The following NT5DC1 variants were observed in gnomAD, a reference collection of about 807,000 sequenced individuals.
NT5DC1 encodes the protein 5'-nucleotidase domain-containing protein 1.
In NT5DC1, 42 loss-of-function variants were observed where a neutral mutation model predicts 59.4. The ratio of observed to expected loss-of-function variants is 0.71; its 90% CI spans 0.55 to 0.92. NT5DC1 has a LOEUF of 0.92. Among genes scored for constraint, NT5DC1 ranks in the 40% least tolerant of loss-of-function variants. The pLI is 0.00. For synonymous variants in NT5DC1, 172 were observed against 188.1 expected, an observed-to-expected ratio of 0.91 and a Z score of 0.70; for missense variants, 501 against 537.1, an observed-to-expected ratio of 0.93 and a Z score of 0.66.
intron 4 of NT5DC1, among the ~76,000 whole-genome samples, chr6:116,113,684 A>G (rs1778919033): frequency 6.6e-6 from 1 of 152,220 alleles, no homozygotes; most frequent in Admixed American, 6.5e-5. Context: ...GTGAAAACCA[A>G]TGAGCTCTTC....
chr6:116,200,282 CAA>C (rs2114508318), intron 6 of NT5DC1, among the ~76,000 whole-genome samples: 1 of 152,000 alleles, frequency 6.6e-6, no homozygotes, highest in South Asian at 2.1e-4. Context: ...ATGTCACGGT[CAA>C]GAGTAACCTA....
intron 6 of NT5DC1, chr6:116,125,489 G>A (rs1424140575): frequency 1.2e-6 from 2 of 1,613,326 alleles, no homozygotes; most frequent in Non-Finnish European, 8.5e-7. Context: ...ATTTGTGGCA[G>A]CATATTCTCA....
At chr6:116,169,167 G>T (rs1052394547) in intron 6 of NT5DC1, among the ~76,000 whole-genome samples, 1 of 152,024 alleles carries the variant, frequency 6.6e-6, no homozygotes, top group African/African-American at 2.4e-5. Flanking sequence ...AGCTTTCTGG[G>T]TTTCTCTTTT....
intron 6 of NT5DC1, among the ~76,000 whole-genome samples, chr6:116,142,335 TC>T (rs1180943242): frequency 6.6e-6 from 1 of 152,044 alleles, no homozygotes; most frequent in Admixed American, 6.5e-5. Context: ...AGTAGAGATT[TC>T]AAGTTGTAAA....
chr6:116,108,530 ATTATT>A (rs1314327812), intron 3 of NT5DC1, 95 bp downstream of exon 3: 2 of 715,094 alleles, frequency 2.8e-6, no homozygotes, highest in East Asian at 5.1e-5. Flanking sequence ...GTTAAATATG[ATTATT>A]TTAATTAATC....
chr6:116,112,409 A>G (rs1164903900), intron 4 of NT5DC1, among the ~76,000 whole-genome samples: 2 of 152,262 alleles, frequency 1.3e-5, no homozygotes, highest in East Asian at 3.8e-4. Context: ...TACGTTAAAT[A>G]TTAATCTCAG....
At chr6:116,117,459 T>C (rs1778987466) in intron 5 of NT5DC1, among the ~76,000 whole-genome samples, 1 of 152,176 alleles carries the variant, frequency 6.6e-6, no homozygotes, top group South Asian at 2.1e-4. Context: ...TTTTTCCTGA[T>C]AAACCCATCG....
chr6:116,147,351 G>A (rs1428362508), intron 6 of NT5DC1, among the ~76,000 whole-genome samples: 2 of 151,842 alleles, frequency 1.3e-5, no homozygotes, highest in Non-Finnish European at 2.9e-5. Flanking sequence ...CTGAGGCAGG[G>A]AAATTGCTTG....
intron 6 of NT5DC1, among the ~76,000 whole-genome samples, chr6:116,138,197 G>A (rs1266995420): frequency 2.6e-5 from 4 of 152,238 alleles, no homozygotes; most frequent in East Asian, 1.9e-4. Context: ...TAGCAGCCCC[G>A]TGAAGTAGGT....
chr6:116,184,047 G>A (rs555727344), intron 6 of NT5DC1, among the ~76,000 whole-genome samples: 7 of 152,066 alleles, frequency 4.6e-5, no homozygotes, highest in African/African-American at 7.2e-5. Context: ...TGTCATAGAT[G>A]GTTTTTATTA....
intron 6 of NT5DC1, among the ~76,000 whole-genome samples, chr6:116,194,973 TAC>T (rs1380128282): frequency 6.6e-6 from 1 of 152,110 alleles, no homozygotes; most frequent in Non-Finnish European, 1.5e-5. Context: ...CTGGAAGATA[TAC>T]AGTGATTATT....
At chr6:116,178,074 TGTGTGTGTGTGTGTGC>T (rs1453879188) in intron 6 of NT5DC1, among the ~76,000 whole-genome samples, 15 of 110,842 alleles carry the variant, frequency 1.4e-4, no homozygotes, top group Admixed American at 3.4e-4. Context: ...TGTGTGTGTG[TGTGTGTGTGTGTGTGC>T]GCGCGCGCGC....
chr6:116,199,582 T>C (rs1351413629), intron 6 of NT5DC1, among the ~76,000 whole-genome samples: 4 of 152,072 alleles, frequency 2.6e-5, no homozygotes, highest in Admixed American at 2.6e-4. Flanking sequence ...CCAGGGCTCC[T>C]TGGAGAAATC....
chr6:116,206,864 T>C (rs1429017425), intron 6 of NT5DC1, among the ~76,000 whole-genome samples: 2 of 152,010 alleles, frequency 1.3e-5, no homozygotes, highest in African/African-American at 2.4e-5. Flanking sequence ...ATAGGGCATT[T>C]AGTGTTTATT....
At chr6:116,187,879 C>T (rs1284540519) in intron 6 of NT5DC1, among the ~76,000 whole-genome samples, 1 of 151,852 alleles carries the variant, frequency 6.6e-6, no homozygotes, top group African/African-American at 2.4e-5. Flanking sequence ...AAACATTAAA[C>T]GTCTCTCTTC....
chr6:116,183,314 T>C (rs543898020), intron 6 of NT5DC1, among the ~76,000 whole-genome samples: 1 of 152,218 alleles, frequency 6.6e-6, no homozygotes, highest in South Asian at 2.1e-4. Context: ...ATGTGATGCC[T>C]CCAGATTTGT....
At chr6:116,184,868 T>C (rs996396185) in intron 6 of NT5DC1, among the ~76,000 whole-genome samples, 1 of 152,074 alleles carries the variant, frequency 6.6e-6, no homozygotes, top group African/African-American at 2.4e-5. Context: ...TTTTTTTGTT[T>C]CAATTTTTAG....
chr6:116,135,419 C>CA (rs967412301), intron 6 of NT5DC1, among the ~76,000 whole-genome samples: 6 of 151,856 alleles, frequency 4.0e-5, no homozygotes, highest in Non-Finnish European at 7.4e-5. Flanking sequence ...CCGCCCCCCC[C>CA]ACCTTTTTAT....
chr6:116,188,242 G>A (rs1184562174), intron 6 of NT5DC1, among the ~76,000 whole-genome samples: 1 of 151,988 alleles, frequency 6.6e-6, no homozygotes, highest in Non-Finnish European at 1.5e-5. Context: ...ACTGCTGGTG[G>A]GAGTGTAAAT....
Sources: gnomAD v4.1 joint callset for allele counts (sites outside exome capture counted in the v4.1 genomes callset) on GRCh38, gnomAD v4.1.1 for gene constraint, MANE v1.5 for transcripts, NCBI Gene and HGNC (gene_info 2026-07-23, HGNC 2026-07-21) for gene names.